ADK: variants seen among roughly 807,000 people sequenced by gnomAD.
The protein encoded by ADK is adenosine kinase.
In ADK, 24 loss-of-function variants were observed where a neutral mutation model predicts 44.7. The ratio of observed to expected loss-of-function variants is 0.54; its 90% confidence interval spans 0.39 to 0.76. The LOEUF is 0.76. Ranked by LOEUF, ADK falls within the 30% of genes least tolerant of loss-of-function variation. The probability of loss-of-function intolerance (pLI) is 0.00; values close to 1 mark genes in which losing one functional copy is unlikely to be tolerated. For synonymous variants in ADK, 128 were observed against 142.6 expected, an observed-to-expected ratio of 0.90 and a Z score of 0.73; for missense variants, 321 against 425.1, an observed-to-expected ratio of 0.76 and a Z score of 2.15.
chr10:74,607,595 G>A (rs896691499), intron 9 of ADK, among the ~76,000 whole-genome samples: 8 of 152,190 alleles, frequency 5.3e-5, no homozygotes, highest in African/African-American at 1.7e-4. Context: ...TCTGCAGAGA[G>A]ATCAGCTGTT....
At chr10:74,576,205 C>T (rs1274224983) in intron 7 of ADK, among the ~76,000 whole-genome samples, 3 of 151,906 alleles carry the variant, frequency 2.0e-5, no homozygotes, top group Non-Finnish European at 4.4e-5. Context: ...TAAAGATATG[C>T]AACAGAAAAG....
intron 6 of ADK, among the ~76,000 whole-genome samples, chr10:74,517,676 G>A (rs374330194): frequency 6.0e-5 from 9 of 149,010 alleles, no homozygotes; most frequent in Admixed American, 1.3e-4. Flanking sequence ...GCAACTGGGC[G>A]AGTCTCTGTC....
chr10:74,646,369 AC>A (rs1197193180), intron 9 of ADK, among the ~76,000 whole-genome samples: 1 of 152,140 alleles, frequency 6.6e-6, no homozygotes, highest in Non-Finnish European at 1.5e-5. Context: ...TCAAACATAG[AC>A]CCATTGGACA....
intron 3 of ADK, among the ~76,000 whole-genome samples, chr10:74,312,293 A>AGAGAGT (rs773090373): frequency 1.1e-4 from 16 of 150,908 alleles, no homozygotes; most frequent in African/African-American, 2.2e-4. Context: ...TTGTAGATAG[A>AGAGAGT]GTGTGTGTGT....
intron 3 of ADK, among the ~76,000 whole-genome samples, chr10:74,268,508 T>C (rs745361306): frequency 1.3e-5 from 2 of 152,184 alleles, no homozygotes; most frequent in African/African-American, 2.4e-5. Context: ...ACTATTGATA[T>C]AGTTATGGTG....
chr10:74,156,992 G>A (rs60138131), intron 1 of ADK, among the ~76,000 whole-genome samples: 4 of 152,244 alleles, frequency 2.6e-5, no homozygotes, highest in African/African-American at 7.2e-5. Flanking sequence ...AGGGGACCTA[G>A]GGTCAGATGC....
chr10:74,598,476 C>T (rs1047406865), intron 8 of ADK, among the ~76,000 whole-genome samples: 11 of 99,654 alleles, frequency 1.1e-4, no homozygotes, highest in African/African-American at 3.6e-4. Flanking sequence ...TTTGAGATGG[C>T]GTCTTGCTCT....
At chr10:74,595,590 A>G (rs1238112397) in intron 8 of ADK, among the ~76,000 whole-genome samples, 1 of 150,926 alleles carries the variant, frequency 6.6e-6, no homozygotes, top group Non-Finnish European at 1.5e-5. Context: ...GTTAACCAGG[A>G]TGGTCTCGAT....
chr10:74,456,651 A>T (rs1258233317), intron 6 of ADK, among the ~76,000 whole-genome samples: 1 of 128,450 alleles, frequency 7.8e-6, no homozygotes, highest in Non-Finnish European at 1.6e-5. Flanking sequence ...TGGGCGACAG[A>T]GCGAGACTCC....
At position 74,569,699 on chromosome 10, in the gene ADK, A is replaced by G. The variant is rs562473077; in HGVS notation, c.727-19583A>G. ...CCCTTTGTCAGATGAGCAGATTGCA[A>G]AAATTTTCTCCTATTCTGTAGGTTG... is the stretch of plus-strand genomic sequence containing the variant. On this transcript the variant is annotated intron_variant, in intron 7 of 10. Transcript: ENST00000539909. Among the ~76,000 whole-genome samples the G allele has an allele frequency of 1.1e-3, 175 of 152,310 alleles. 1 individual carries two copies. The highest frequency in any genetic ancestry group is 2.2e-3 in the Non-Finnish European group (148 of 68,032).
At chr10:74,631,911 A>G (rs1208195205) in intron 9 of ADK, among the ~76,000 whole-genome samples, 5 of 151,962 alleles carry the variant, frequency 3.3e-5, no homozygotes, top group Non-Finnish European at 4.4e-5. Context: ...TAGGTAACCA[A>G]TCTCAGTTTT....
intron 1 of ADK, among the ~76,000 whole-genome samples, chr10:74,181,670 T>A (rs1842562635): frequency 6.6e-6 from 1 of 152,230 alleles, no homozygotes. Flanking sequence ...AATGTCCTAC[T>A]TAGACCTAGT....
chr10:74,313,237 G>A (rs1053901759), intron 3 of ADK, among the ~76,000 whole-genome samples: 1 of 151,908 alleles, frequency 6.6e-6, no homozygotes, highest in Non-Finnish European at 1.5e-5. Flanking sequence ...AGTGTATGAT[G>A]GGCACTTTTA....
chr10:74,510,097 C>T (rs1239511818), intron 6 of ADK, among the ~76,000 whole-genome samples: 1 of 152,156 alleles, frequency 6.6e-6, no homozygotes, highest in African/African-American at 2.4e-5. Flanking sequence ...TGGATAAATT[C>T]CTAGTAGTAG....
At chr10:74,649,593 C>A (rs530025463) in intron 9 of ADK, among the ~76,000 whole-genome samples, 1 of 152,016 alleles carries the variant, frequency 6.6e-6, no homozygotes, top group South Asian at 2.1e-4. Flanking sequence ...CCACTGTACT[C>A]CAACCTGGGC....
intron 3 of ADK, among the ~76,000 whole-genome samples, chr10:74,255,276 GT>G (rs899408313): frequency 1.1e-4 from 17 of 152,130 alleles, no homozygotes; most frequent in Non-Finnish European, 1.5e-5. Context: ...CAAATCACCA[GT>G]GTGTCTTAGT....
At chr10:74,478,927 T>C (rs1846961427) in intron 6 of ADK, among the ~76,000 whole-genome samples, 1 of 152,218 alleles carries the variant, frequency 6.6e-6, no homozygotes, top group Non-Finnish European at 1.5e-5. Flanking sequence ...CACTACTGTG[T>C]GTCAGTGTTG....
intron 3 of ADK, among the ~76,000 whole-genome samples, chr10:74,304,735 A>G (rs1052109790): frequency 6.6e-5 from 10 of 152,232 alleles, no homozygotes; most frequent in African/African-American, 1.9e-4. Flanking sequence ...TAAAAATCCA[A>G]GAACAATAGC....
At position 74,580,719 on chromosome 10, in the gene ADK, C is replaced by A. The variant is rs902239399; in HGVS notation, c.727-8563C>A. On this transcript the variant is annotated intron_variant, in intron 7 of 10. Coordinates refer to ENST00000539909, the MANE Select transcript of ADK (RefSeq NM_006721.4). ...ACATGGAACTCTAAGTCCAAATAAA[C>A]CTCTTTCTTTTGTAAACTGCCCAGT... Among the ~76,000 whole-genome samples, 30 of 152,276 alleles carry A rather than the reference C, an allele frequency of 2.0e-4. No individual in the cohort carries two copies. In the East Asian group the frequency reaches 4.6e-3, roughly 24 times the overall value.
Sources: allele counts gnomAD v4.1 joint callset (sites outside exome capture counted in the v4.1 genomes callset), GRCh38; gene constraint gnomAD v4.1.1; transcripts MANE v1.5; gene names NCBI Gene and HGNC (gene_info 2026-07-23, HGNC 2026-07-21).